The following PCBP3 variants were observed in gnomAD, a reference collection of about 807,000 sequenced individuals.
PCBP3 encodes poly(rC) binding protein 3.
PCBP3 carries 25 observed loss-of-function variants against 52.7 expected under a neutral mutation model. That is an observed-to-expected ratio of 0.47 (90% confidence interval 0.35 to 0.66). The LOEUF is 0.66. Ranked by LOEUF, PCBP3 falls within the 30% of genes least tolerant of loss-of-function variation. The pLI, the probability that PCBP3 is intolerant of heterozygous loss-of-function variation, is 0.01. For missense variants in PCBP3, 391 were observed against 490.3 expected, an observed-to-expected ratio of 0.80 and a Z score of 1.91; for synonymous variants, 162 against 183.0, an observed-to-expected ratio of 0.89 and a Z score of 0.93.
intron 1 of PCBP3, among the ~76,000 whole-genome samples, chr21:45,652,477 G>A (rs1055362706): frequency 6.5e-5 from 9 of 139,016 alleles, no homozygotes; most frequent in African/African-American, 2.2e-4. Context: ...GTCTTGCTCT[G>A]TTGCCCAGGT....
chr21:45,776,317 A>G (rs555890279), intron 4 of PCBP3, among the ~76,000 whole-genome samples: 4 of 152,294 alleles, frequency 2.6e-5, no homozygotes, highest in Admixed American at 1.3e-4. Flanking sequence ...TGTTAGGTCT[A>G]TTTGGTCTGA....
At chr21:45,709,481 G>T (rs1009712659) in intron 2 of PCBP3, among the ~76,000 whole-genome samples, 1 of 152,138 alleles carries the variant, frequency 6.6e-6, no homozygotes. Flanking sequence ...GAAGATAGGC[G>T]ACGACTTTTC....
intron 5 of PCBP3, among the ~76,000 whole-genome samples, chr21:45,869,511 G>A (rs528545518): frequency 2.6e-5 from 4 of 152,258 alleles, no homozygotes; most frequent in East Asian, 3.9e-4. Context: ...CCTGGGACTC[G>A]ACTGTGCAGG....
rs56280316 is a variant in PCBP3, at chr21:45,691,334, G to T, written c.-200+22382G>T. On this transcript the variant is annotated intron_variant, in intron 2 of 17. Transcript: ENST00000681687. ...GAGTGGGGAATATTGAATGAAAAGG[G>T]GTACCAGAGCCTTTTGGGGTGATGT... Among the ~76,000 whole-genome samples the T allele has an allele frequency of 4.9e-3, 730 of 148,892 alleles. 12 individuals carry two copies. The highest frequency in any genetic ancestry group is 0.017 in the African/African-American group (703 of 40,418).
chr21:45,770,833 C>A (rs2089806335), intron 4 of PCBP3, among the ~76,000 whole-genome samples: 1 of 152,224 alleles, frequency 6.6e-6, no homozygotes, highest in African/African-American at 2.4e-5. Flanking sequence ...AGCCATGTAT[C>A]CCCAGCATCT....
At chr21:45,786,418 G>A in intron 4 of PCBP3, among the ~76,000 whole-genome samples, 1 of 151,986 alleles carries the variant, frequency 6.6e-6, no homozygotes, top group East Asian at 1.9e-4. Context: ...AGCCTCCCGA[G>A]TAGCTGGGAT....
intron 5 of PCBP3, among the ~76,000 whole-genome samples, chr21:45,881,243 G>C (rs2095397406): frequency 6.6e-6 from 1 of 152,224 alleles, no homozygotes; most frequent in African/African-American, 2.4e-5. Flanking sequence ...CTCTGAGCCA[G>C]CCTTGCATCA....
At position 45,735,465 on chromosome 21, in the gene PCBP3, T is replaced by A. The variant is rs1032728727; in HGVS notation, c.-162+36T>A. ...CTTCTTATGATGCTGTCACAGGCGATATTTTTAGACTAAACGACTCTTTCG... is the reference window on the plus strand; with the variant it reads ...CTTCTTATGATGCTGTCACAGGCGAAATTTTTAGACTAAACGACTCTTTCG... On this transcript the variant is annotated intron_variant, in intron 3 of 17. Coordinates refer to ENST00000681687, the MANE Select transcript of PCBP3 (RefSeq NM_001384156.1). The surrounding 1 kb of genome is among the most constrained non-coding windows in gnomAD (Gnocchi z 4.0). 2 of 152,224 alleles carry A rather than the reference T, an allele frequency of 1.3e-5. No individual in the cohort carries two copies. Among genetic ancestry groups the A allele is most frequent in the Non-Finnish European group, 2.9e-5 (2 of 68,054 alleles). 9.4% of individuals were successfully genotyped at this position (152,224 alleles called of 1,614,324 possible). A position where few individuals can be genotyped will look rare whatever the true frequency, so the allele number is the denominator to read the frequency against.
intron 2 of PCBP3, among the ~76,000 whole-genome samples, chr21:45,684,667 TGAGGCCTCAGCA>T (rs1408132089): frequency 6.6e-6 from 1 of 152,200 alleles, no homozygotes; most frequent in Non-Finnish European, 1.5e-5. Context: ...AAAAGCTTCC[TGAGGCCTCAGCA>T]GAGGCCAAGC....
chr21:45,705,368 A>G (rs1206780435), intron 2 of PCBP3, among the ~76,000 whole-genome samples: 2 of 152,150 alleles, frequency 1.3e-5, no homozygotes, highest in African/African-American at 4.8e-5. Flanking sequence ...CAGACTGGAG[A>G]TGTGGGCACA....
intron 4 of PCBP3, among the ~76,000 whole-genome samples, chr21:45,786,944 G>A (rs148847780): frequency 9.2e-5 from 14 of 152,320 alleles, no homozygotes; most frequent in African/African-American, 2.9e-4. Flanking sequence ...CCCTAGCGGC[G>A]TGCAGCCTGC....
chr21:45,927,317 C>CCTCCTCTCCTCTCTCCCCTCCCTCA (rs1569505024), intron 13 of PCBP3, among the ~76,000 whole-genome samples: 1 of 21,136 alleles, frequency 4.7e-5, no homozygotes. Context: ...CCCCTTCCTC[C>CCTCCTCTCCTCTCTCCCCTCCCTCA]CTCTCCCCCT....
intron 1 of PCBP3, among the ~76,000 whole-genome samples, chr21:45,647,607 G>C (rs905468280): frequency 2.6e-5 from 4 of 152,160 alleles, no homozygotes; most frequent in African/African-American, 9.7e-5. Context: ...AAGACTGGAA[G>C]GTTGGAATAA....
chr21:45,730,347 T>A (rs2085360787), intron 2 of PCBP3, among the ~76,000 whole-genome samples: 1 of 152,118 alleles, frequency 6.6e-6, no homozygotes, highest in Non-Finnish European at 1.5e-5. Context: ...AATACTTTTT[T>A]GTTCCTGTTT....
intron 2 of PCBP3, among the ~76,000 whole-genome samples, chr21:45,720,995 G>T (rs2084592074): frequency 6.6e-6 from 1 of 152,258 alleles, no homozygotes; most frequent in African/African-American, 2.4e-5. Context: ...GCCCTGTGCT[G>T]CCCCAGATGT....
At chr21:45,747,491 G>T (rs1291695302) in intron 3 of PCBP3, among the ~76,000 whole-genome samples, 1 of 152,236 alleles carries the variant, frequency 6.6e-6, no homozygotes, top group Non-Finnish European at 1.5e-5. Context: ...CATAGGTGCT[G>T]CTGCAGTGAC....
At chr21:45,909,283 A>C in intron 9 of PCBP3, 72 bp from the exon 10 acceptor site, 2 of 1,502,360 alleles carry the variant, frequency 1.3e-6, no homozygotes, top group Non-Finnish European at 9.0e-7. Context: ...AAGTCAGGAC[A>C]CACCCCCTGC....
At chr21:45,833,839 G>C (rs1239677575) in intron 4 of PCBP3, among the ~76,000 whole-genome samples, 2 of 152,240 alleles carry the variant, frequency 1.3e-5, no homozygotes, top group Non-Finnish European at 2.9e-5. Context: ...AGTCCTGCCT[G>C]CCTGGGCAGG....
intron 3 of PCBP3, chr21:45,750,530 A>T (rs1184064086): frequency 6.6e-6 from 1 of 151,978 alleles, no homozygotes; most frequent in Non-Finnish European, 1.5e-5. Flanking sequence ...CACCAGGCCA[A>T]TTCCCAGCTC....
Sources: allele counts gnomAD v4.1 joint callset (sites outside exome capture counted in the v4.1 genomes callset), GRCh38; gene constraint gnomAD v4.1.1; non-coding constraint Gnocchi (gnomAD v3.1); transcripts MANE v1.5; gene names NCBI Gene and HGNC (gene_info 2026-07-23, HGNC 2026-07-21).